Variants in GNB1L observed in about 807,000 individuals in gnomAD.
The protein encoded by GNB1L is G protein subunit beta 1 like.
A neutral mutation model predicts 29.1 loss-of-function variants in GNB1L; 20 were observed. The ratio of observed to expected loss-of-function variants is 0.69; its 90% confidence interval spans 0.48 to 1.00. GNB1L has a LOEUF of 1.00. Ranked by LOEUF, GNB1L falls within the 50% of genes least tolerant of loss-of-function variation. GNB1L has a pLI of 0.00. For missense variants in GNB1L, 421 were observed against 464.9 expected, an observed-to-expected ratio of 0.91 and a Z score of 0.87; for synonymous variants, 193 against 206.5, an observed-to-expected ratio of 0.93 and a Z score of 0.56.
chr22:19,799,767 G>A (rs766005707), intron 7 of GNB1L, among the ~76,000 whole-genome samples: 1 of 152,202 alleles, frequency 6.6e-6, no homozygotes, highest in Non-Finnish European at 1.5e-5. Context: ...CACCTTGCTT[G>A]CTCCCGGGTG....
chr22:19,802,057 C>G lies in GNB1L; in HGVS notation c.676G>C (p.Gly226Arg). 6.2e-7 allele frequency: 1 copy of G among 1,612,664 alleles called. No individual in the cohort carries two copies. Among genetic ancestry groups the G allele is most frequent in the Non-Finnish European group, 8.5e-7 (1 of 1,179,644 alleles). ...FDSQKARGIS[G>R]SAGKALAVWS... is the part of the protein sequence containing the mutation. Reference sequence around the variant, plus strand: ...ACAGCCAGCGCCTTCCCCGCGGAGCCTGAGATGCCCCTGGCCTTCTGGGAG... The same window carrying G: ...ACAGCCAGCGCCTTCCCCGCGGAGCGTGAGATGCCCCTGGCCTTCTGGGAG... Residue 226 changes from glycine (G) to arginine (R), a missense_variant, in exon 7 of 8, where the codon GGC becomes CGC. Gly to Arg is a moderately radical substitution (Grantham distance 125). Coordinates refer to ENST00000329517, the MANE Select transcript of GNB1L (RefSeq NM_053004.3).
chr22:19,827,665 G>T (rs185277236), intron 2 of GNB1L, among the ~76,000 whole-genome samples: 22 of 152,300 alleles, frequency 1.4e-4, no homozygotes, highest in African/African-American at 4.8e-4. Flanking sequence ...ACTCTCAGCA[G>T]ATTAGCAAAA....
intron 2 of GNB1L, chr22:19,850,655 A>G (rs1224725977): frequency 8.1e-7 from 1 of 1,228,238 alleles, no homozygotes. Flanking sequence ...TCCTCCAGGC[A>G]GCCTTCCTCA....
chr22:19,807,892 G>A (rs1937454370), intron 5 of GNB1L, among the ~76,000 whole-genome samples: 1 of 152,240 alleles, frequency 6.6e-6, no homozygotes, highest in Non-Finnish European at 1.5e-5. Flanking sequence ...CCACAGGCAT[G>A]CTATGGGTGT....
intron 2 of GNB1L, among the ~76,000 whole-genome samples, chr22:19,838,625 G>A (rs749632358): frequency 7.9e-5 from 12 of 152,022 alleles, no homozygotes; most frequent in Admixed American, 3.9e-4. Context: ...GCCTGCCACC[G>A]CGCCCGGCTA....
chr22:19,823,566 C>T (rs931063058), intron 2 of GNB1L, among the ~76,000 whole-genome samples: 4 of 152,202 alleles, frequency 2.6e-5, no homozygotes, highest in African/African-American at 9.7e-5. Flanking sequence ...AGCACCTCCA[C>T]CTAGCAGGAA....
At chr22:19,789,230 A>AACGGCTTCACTT (rs1937224844) in intron 7 of GNB1L, among the ~76,000 whole-genome samples, 1 of 152,136 alleles carries the variant, frequency 6.6e-6, no homozygotes, top group South Asian at 2.1e-4. Flanking sequence ...AGCAGCAGAG[A>AACGGCTTCACTT]CAGGGAGGTC....
intron 2 of GNB1L, among the ~76,000 whole-genome samples, chr22:19,823,495 C>T (rs978808886): frequency 6.6e-6 from 1 of 152,194 alleles, no homozygotes; most frequent in African/African-American, 2.4e-5. Context: ...GCAAGCTAGC[C>T]AGGGGGACAG....
At chr22:19,802,492 C>T (rs1937386371) in intron 6 of GNB1L, among the ~76,000 whole-genome samples, 1 of 152,232 alleles carries the variant, frequency 6.6e-6, no homozygotes, top group Non-Finnish European at 1.5e-5. Flanking sequence ...CCAAGGCCTC[C>T]CACTGCTGTA....
At chr22:19,850,929 C>A (rs1938079427) in intron 2 of GNB1L, 2 of 1,363,118 alleles carry the variant, frequency 1.5e-6, no homozygotes, top group African/African-American at 1.5e-5. Context: ...AGAAGACGGG[C>A]AGGGATGCAG....
At position 19,792,997 on chromosome 22, in the gene GNB1L, G is replaced by A. The variant is rs185258074; in HGVS notation, c.733-4037C>T. 2.6e-4 allele frequency: 403 copies of A among 1,567,058 alleles called. No individual in the cohort carries two copies. In the East Asian group the frequency reaches 6.3e-3, roughly 24 times the overall value. ...AATGACAGATACGATGAGATCCGCC[G>A]TCACTGGGGCGGCAACATCCTGGGT... On this transcript the variant is annotated intron_variant, in intron 7 of 7. Coordinates refer to ENST00000329517, the MANE Select transcript of GNB1L (RefSeq NM_053004.3).
At chr22:19,838,626 C>T (rs1030579835) in intron 2 of GNB1L, among the ~76,000 whole-genome samples, 4 of 152,062 alleles carry the variant, frequency 2.6e-5, no homozygotes, top group African/African-American at 9.7e-5. Context: ...CCTGCCACCG[C>T]GCCCGGCTAA....
intron 2 of GNB1L, among the ~76,000 whole-genome samples, chr22:19,841,216 C>T (rs35287181): frequency 0.029 from 4,386 of 152,296 alleles, 90 homozygotes; most frequent in Non-Finnish European, 0.045. Context: ...GAAATGCGTC[C>T]GTGCACAAGG....
chr22:19,832,844 C>T (rs1452981326), intron 2 of GNB1L, among the ~76,000 whole-genome samples: 2 of 152,208 alleles, frequency 1.3e-5, no homozygotes. Context: ...GCTGTGTATA[C>T]ACAGGGCAGA....
chr22:19,825,236 C>G (rs1937611022), intron 2 of GNB1L, among the ~76,000 whole-genome samples: 1 of 152,166 alleles, frequency 6.6e-6, no homozygotes, highest in South Asian at 2.1e-4. Context: ...CCATAATCAG[C>G]AAGACTGAAG....
chr22:19,848,753 G>A (rs994857151), intron 2 of GNB1L: 62 of 985,410 alleles, frequency 6.3e-5, no homozygotes, highest in Non-Finnish European at 6.7e-5. Context: ...AGCTGCCTGG[G>A]TCCCAAGGGC....
At chr22:19,808,748 T>C (rs1297469066) in intron 5 of GNB1L, among the ~76,000 whole-genome samples, 1 of 152,210 alleles carries the variant, frequency 6.6e-6, no homozygotes, top group African/African-American at 2.4e-5. Context: ...AGGATCAGCA[T>C]GGCCACTGAG....
intron 2 of GNB1L, among the ~76,000 whole-genome samples, chr22:19,841,167 T>C (rs1373030165): frequency 6.6e-6 from 1 of 152,176 alleles, no homozygotes; most frequent in Non-Finnish European, 1.5e-5. Flanking sequence ...AGTCCATTAG[T>C]CATGCGCAGA....
In GNB1L at chr22:19,847,956, G is replaced by T. The variant is rs114499579; in HGVS notation, c.-21+6487C>A. ...TTCCAGAGGGCCAACTGCTTTTACTGAATAATCCATTTTACTCGTTAATTG... is the reference window on the plus strand; with the variant it reads ...TTCCAGAGGGCCAACTGCTTTTACTTAATAATCCATTTTACTCGTTAATTG... On this transcript the variant is annotated intron_variant, in intron 2 of 7. Coordinates refer to ENST00000329517, the MANE Select transcript of GNB1L (RefSeq NM_053004.3). 8.2e-5 allele frequency: 81 copies of T among 985,198 alleles called. No individual in the cohort carries two copies. The African/African-American group carries it at 1.4e-3, about 17-fold the overall frequency. 61.0% of individuals were successfully genotyped at this position (985,198 alleles called of 1,614,324 possible). A position where few individuals can be genotyped will look rare whatever the true frequency, so the allele number is the denominator to read the frequency against.
Sources: gnomAD v4.1 joint callset for allele counts (sites outside exome capture counted in the v4.1 genomes callset) on GRCh38, gnomAD v4.1.1 for gene constraint, MANE v1.5 for transcripts, NCBI Gene and HGNC (gene_info 2026-07-23, HGNC 2026-07-21) for gene names.